UBR1: variants seen among roughly 807,000 people sequenced by gnomAD.
UBR1 encodes the protein E3 ubiquitin-protein ligase UBR1.
In UBR1, 102 loss-of-function variants were observed where a neutral mutation model predicts 242.1. That is an observed-to-expected ratio of 0.42 (90% CI 0.36 to 0.50). The LOEUF is 0.50. UBR1 is among the 20% of genes least tolerant of loss of function. The pLI is 0.01. For missense variants in UBR1, 1,772 were observed against 2,101.8 expected (o/e 0.84, Z 3.07); for synonymous variants, 675 against 684.8 (o/e 0.99, Z 0.22).
At position 43,048,409 on chromosome 15, in the gene UBR1, T is replaced by A; in HGVS notation, c.1522A>T (p.Ile508Phe). The A allele has an allele frequency of 6.2e-7, 1 of 1,613,134 alleles. No individual in the cohort carries two copies. Among genetic ancestry groups the A allele is most frequent in the Non-Finnish European group, 8.5e-7 (1 of 1,179,572 alleles). Reference sequence around the variant, plus strand: ...GATCATACCTGCATACAGGTAAGAATCTTCAAAAAAGATCGAAAACCTTCA... The same window carrying A: ...GATCATACCTGCATACAGGTAAGAAACTTCAAAAAAGATCGAAAACCTTCA... ...FLEGFRSFLK[I>F]LTCMQGMEEI... is the part of the protein sequence containing the mutation. Residue 508 changes from isoleucine to phenylalanine, a missense_variant, in exon 13 of 47, where the codon ATT becomes TTT. Transcript: ENST00000290650.
chr15:42,950,391 G>T, intron 45 of UBR1, 28 bp from the exon 46 acceptor site: 2 of 1,600,146 alleles, frequency 1.2e-6, no homozygotes, highest in Non-Finnish European at 1.7e-6. Context: ...TAGGAAATAT[G>T]GTTAAGTGTA....
At chr15:43,003,781 G>A in intron 31 of UBR1, 56 bp downstream of exon 31, 1 of 1,537,998 alleles carries the variant, frequency 6.5e-7, no homozygotes. Flanking sequence ...TTGTGGCCTT[G>A]AGTGAACTTC....
At chr15:43,017,454 G>A (rs1320647742) in intron 27 of UBR1, among the ~76,000 whole-genome samples, 3 of 152,062 alleles carry the variant, frequency 2.0e-5, no homozygotes, top group Admixed American at 6.6e-5. Flanking sequence ...GATTTGCCAG[G>A]AAACAAAAAT....
At chr15:43,039,270 A>G (rs1304473022) in intron 15 of UBR1, among the ~76,000 whole-genome samples, 1 of 152,212 alleles carries the variant, frequency 6.6e-6, no homozygotes, top group Non-Finnish European at 1.5e-5. Flanking sequence ...AACGTAGGGA[A>G]AAGCTTCATA....
intron 38 of UBR1, 128 bp from the exon 39 acceptor site, chr15:42,976,995 T>A: frequency 9.8e-7 from 1 of 1,023,774 alleles, no homozygotes; most frequent in South Asian, 1.4e-5. Context: ...ATAAAAACCA[T>A]ATTTTTCTTA....
At chr15:43,059,022 C>G (rs1405667126) in intron 9 of UBR1, 63 bp downstream of exon 9, 2 of 1,266,320 alleles carry the variant, frequency 1.6e-6, no homozygotes, top group Admixed American at 3.4e-5. Flanking sequence ...TATTACAGCT[C>G]CACTTTAAGG....
chr15:43,023,091 T>C (rs2033131348), intron 25 of UBR1, among the ~76,000 whole-genome samples: 1 of 152,108 alleles, frequency 6.6e-6, no homozygotes, highest in Admixed American at 6.6e-5. Context: ...CAGGCTGGTC[T>C]TAAACTCCTG....
chr15:43,071,044 T>C lies in UBR1; in HGVS notation c.529-119A>G. The C allele has an allele frequency of 2.9e-6, 4 of 1,365,246 alleles. No individual in the cohort carries two copies. The South Asian group carries it at 4.9e-5, about 17-fold the overall frequency. The allele number at this position is 1,365,246 out of a possible 1,614,324, so 84.6% of individuals were successfully genotyped here. Reference sequence around the variant, plus strand: ...AATTCATTACAACATCGTCCAGGAATGAATTCAAGTTGAGCTCAAGAGGGT... The same window carrying C: ...AATTCATTACAACATCGTCCAGGAACGAATTCAAGTTGAGCTCAAGAGGGT... On this transcript the variant is annotated intron_variant, in intron 4 of 46. Coordinates refer to ENST00000290650, the MANE Select transcript of UBR1 (RefSeq NM_174916.3).
chr15:42,987,049 C>A (rs148549752), intron 35 of UBR1, among the ~76,000 whole-genome samples: 1 of 152,258 alleles, frequency 6.6e-6, no homozygotes, highest in Non-Finnish European at 1.5e-5. Context: ...AGCGGCGCTT[C>A]CTCAGCTCCC....
intron 44 of UBR1, among the ~76,000 whole-genome samples, chr15:42,953,214 A>G (rs1245289940): frequency 6.6e-6 from 1 of 152,242 alleles, no homozygotes; most frequent in African/African-American, 2.4e-5. Flanking sequence ...GAGGCGTGCT[A>G]TAATGCCCCA....
intron 1 of UBR1, 42 bp downstream of exon 1, chr15:43,105,900 G>C: frequency 6.3e-7 from 1 of 1,591,002 alleles, no homozygotes; most frequent in Non-Finnish European, 8.6e-7. Context: ...AGTAGGGAGG[G>C]ACCGGGGGGA....
At position 42,967,398 on chromosome 15, in the gene UBR1, G is replaced by A. The variant is rs114348002; in HGVS notation, c.4458-1112C>T. Among the ~76,000 whole-genome samples the A allele has an allele frequency of 1.8e-3, 270 of 149,914 alleles. 1 individual carries two copies. Among genetic ancestry groups the A allele is most frequent in the African/African-American group, 6.5e-3 (264 of 40,584 alleles). ...TATATTCTTCAACATAAAAGTTAAA[G>A]GTTACTAAAGCTTCCTTTTTTTTTT... is the stretch of plus-strand genomic sequence containing the variant. On this transcript the variant is annotated intron_variant, in intron 40 of 46. Coordinates refer to ENST00000290650, the MANE Select transcript of UBR1 (RefSeq NM_174916.3).
At chr15:43,058,786 C>G (rs2033648143) in intron 9 of UBR1, among the ~76,000 whole-genome samples, 1 of 152,030 alleles carries the variant, frequency 6.6e-6, no homozygotes, top group African/African-American at 2.4e-5. Context: ...TTTTTCGCTA[C>G]TCGATAATGG....
intron 34 of UBR1, among the ~76,000 whole-genome samples, 187 bp downstream of exon 34, chr15:42,989,843 A>ATATAT (rs957481152): frequency 8.5e-5 from 13 of 152,194 alleles, no homozygotes; most frequent in African/African-American, 3.1e-4. Context: ...TCACCTTAAT[A>ATATAT]TATATTACTT....
intron 19 of UBR1, among the ~76,000 whole-genome samples, chr15:43,035,320 G>C (rs988915954): frequency 6.6e-6 from 1 of 152,062 alleles, no homozygotes; most frequent in African/African-American, 2.4e-5. Context: ...AATTTTTCTA[G>C]ATTAAAAAGA....
Position 43,047,253 on chromosome 15 carries a change from T to A in UBR1, c.1576A>T (p.Ile526Phe). ...EEIRRQVGQH[I>F]EVDPDWEAAI... ...GCCTCCCAATCAGGATCCACTTCAATGTGTTGCCCAACCTGTCTTCGGATT... is the reference window on the plus strand; with the variant it reads ...GCCTCCCAATCAGGATCCACTTCAAAGTGTTGCCCAACCTGTCTTCGGATT... Residue 526 changes from isoleucine (I) to phenylalanine (F), a missense_variant, in exon 14 of 47, where the codon ATT becomes TTT. Ile to Phe is a conservative substitution (Grantham distance 21). This residue lies in a region of UBR1 where 734 missense variants were observed against 893.3 expected (regional missense o/e 0.82). Coordinates refer to ENST00000290650, the MANE Select transcript of UBR1 (RefSeq NM_174916.3). 6.2e-7 allele frequency: 1 copy of A among 1,614,218 alleles called. No individual in the cohort carries two copies. The highest frequency in any genetic ancestry group is 8.5e-7 in the Non-Finnish European group (1 of 1,180,034).
intron 44 of UBR1, among the ~76,000 whole-genome samples, chr15:42,952,742 C>T (rs2031855146): frequency 6.6e-6 from 1 of 152,156 alleles, no homozygotes; most frequent in Admixed American, 6.5e-5. Flanking sequence ...GATTGAGATT[C>T]ACTGATAGAC....
chr15:43,070,743 G>A, intron 5 of UBR1, 52 bp downstream of exon 5: 3 of 1,606,348 alleles, frequency 1.9e-6, no homozygotes, highest in South Asian at 1.1e-5. Flanking sequence ...CACACATTTT[G>A]CAATACAAAT....
Position 43,007,300 on chromosome 15 carries a change from A to G in UBR1, c.3210-16T>C, listed in dbSNP as rs371816501. 2.0e-5 allele frequency: 33 copies of G among 1,613,244 alleles called. No individual in the cohort carries two copies. Among genetic ancestry groups the G allele is most frequent in the Non-Finnish European group, 2.7e-5 (32 of 1,179,520 alleles). Reference sequence around the variant, plus strand: ...TGCTGGGGTGCTACCAAAAGAAATGATCAGAAATGAGGACACATGTTTTGG... The same window carrying G: ...TGCTGGGGTGCTACCAAAAGAAATGGTCAGAAATGAGGACACATGTTTTGG... On this transcript the variant is annotated splice_polypyrimidine_tract_variant and intron_variant, in intron 29 of 46. Transcript: ENST00000290650.
Sources: allele counts gnomAD v4.1 joint callset (sites outside exome capture counted in the v4.1 genomes callset), GRCh38; gene constraint gnomAD v4.1.1; regional missense constraint gnomAD v4.1.1; transcripts MANE v1.5; gene names NCBI Gene and HGNC (gene_info 2026-07-23, HGNC 2026-07-21).